RARS2: variants seen among roughly 807,000 people sequenced by gnomAD.
RARS2 encodes probable arginine--tRNA ligase, mitochondrial.
A neutral mutation model predicts 88.5 loss-of-function variants in RARS2; 67 were observed. That is an observed-to-expected ratio of 0.76 (90% CI 0.62 to 0.93). The LOEUF (loss-of-function observed/expected upper bound fraction) is 0.93, where lower values mean the gene tolerates loss of function less well. Among genes scored for constraint, RARS2 ranks in the 40% least tolerant of loss-of-function variants. RARS2 has a pLI of 0.00. For missense variants in RARS2, 664 were observed against 684.2 expected, an observed-to-expected ratio of 0.97 and a Z score of 0.33; for synonymous variants, 239 against 230.3, an observed-to-expected ratio of 1.04 and a Z score of -0.34.
At chr6:87,531,115 T>TG (rs1554186854) in intron 8 of RARS2, among the ~76,000 whole-genome samples, 173 bp from the exon 9 acceptor site, 1 of 152,188 alleles carries the variant, frequency 6.6e-6, no homozygotes, top group African/African-American at 2.4e-5. Flanking sequence ...GTGAAGCATA[T>TG]AGACCCCTTC....
chr6:87,522,164 T>C (rs1339416564), intron 11 of RARS2, among the ~76,000 whole-genome samples: 1 of 152,076 alleles, frequency 6.6e-6, no homozygotes, highest in African/African-American at 2.4e-5. Flanking sequence ...ACCCCGTCTC[T>C]ACTAAAAATA....
intron 1 of RARS2, among the ~76,000 whole-genome samples, chr6:87,571,368 T>G (rs1364490266): frequency 6.6e-6 from 1 of 152,232 alleles, no homozygotes; most frequent in African/African-American, 2.4e-5. Context: ...CAATTAAATC[T>G]CTTTCCTTTA....
chr6:87,560,154 T>C (rs751332853), intron 4 of RARS2, among the ~76,000 whole-genome samples: 1 of 152,228 alleles, frequency 6.6e-6, no homozygotes, highest in African/African-American at 2.4e-5. Flanking sequence ...CCTAATTATC[T>C]TTTTACATAG....
At chr6:87,550,693 A>G (rs4587137) in intron 5 of RARS2, among the ~76,000 whole-genome samples, 9,316 of 149,828 alleles carry the variant, frequency 0.062, 375 homozygotes, top group African/African-American at 0.11. Context: ...CTTATCCCTC[A>G]ATGAAGCCGA....
chr6:87,554,258 A>G (rs1437438332), intron 5 of RARS2, among the ~76,000 whole-genome samples: 2 of 152,166 alleles, frequency 1.3e-5, no homozygotes, highest in Non-Finnish European at 1.5e-5. Context: ...CTGTACAATG[A>G]AAGTATTAGT....
chr6:87,566,288 T>C (rs1238165594), intron 2 of RARS2, among the ~76,000 whole-genome samples: 2 of 152,248 alleles, frequency 1.3e-5, no homozygotes, highest in Non-Finnish European at 2.9e-5. Flanking sequence ...TGTTTTTCTA[T>C]GTAGTTTTAT....
chr6:87,571,752 A>G (rs1293301720), intron 1 of RARS2, among the ~76,000 whole-genome samples: 1 of 152,264 alleles, frequency 6.6e-6, no homozygotes, highest in African/African-American at 2.4e-5. Context: ...TGTCAACAGA[A>G]GTTATTTGTT....
chr6:87,549,005 G>C (rs1406964165), intron 5 of RARS2, among the ~76,000 whole-genome samples: 2 of 152,118 alleles, frequency 1.3e-5, no homozygotes, highest in Non-Finnish European at 2.9e-5. Context: ...CTTGAGGCCA[G>C]AAGTTTGAGA....
At chr6:87,522,993 T>C (rs2128026633) in intron 11 of RARS2, among the ~76,000 whole-genome samples, 1 of 152,148 alleles carries the variant, frequency 6.6e-6, no homozygotes, top group East Asian at 1.9e-4. Context: ...GGGATAAAAT[T>C]TCATGAGGAT....
intron 4 of RARS2, among the ~76,000 whole-genome samples, chr6:87,559,034 T>C (rs1028145265): frequency 6.6e-6 from 1 of 152,058 alleles, no homozygotes; most frequent in Non-Finnish European, 1.5e-5. Context: ...CTAAGGCTAA[T>C]GTGTTTGTGT....
intron 8 of RARS2, among the ~76,000 whole-genome samples, chr6:87,534,065 G>C (rs1489966720): frequency 1.3e-5 from 2 of 150,836 alleles, no homozygotes; most frequent in Admixed American, 1.3e-4. Context: ...AAATATTCAT[G>C]ATTATAATTT....
chr6:87,577,836 T>A (rs147561406), intron 1 of RARS2, among the ~76,000 whole-genome samples: 88 of 152,294 alleles, frequency 5.8e-4, no homozygotes, highest in African/African-American at 2.1e-3. Context: ...AACATGAAGA[T>A]CTTTTTGTAA....
intron 1 of RARS2, among the ~76,000 whole-genome samples, chr6:87,573,198 A>T (rs1770335715): frequency 1.3e-5 from 2 of 152,300 alleles, no homozygotes; most frequent in South Asian, 4.1e-4. Context: ...CAATCATGGC[A>T]GAAAGCGAAA....
At chr6:87,518,058 T>C (rs1221150369) in intron 17 of RARS2, 111 bp downstream of exon 17, 7 of 1,601,858 alleles carry the variant, frequency 4.4e-6, no homozygotes, top group Non-Finnish European at 6.0e-6. Context: ...TTGGGAAAAG[T>C]CTAGAGGCAG....
chr6:87,545,857 T>C (rs892308503), intron 6 of RARS2, among the ~76,000 whole-genome samples, 158 bp from the exon 7 acceptor site: 4 of 152,208 alleles, frequency 2.6e-5, no homozygotes, highest in African/African-American at 9.6e-5. Context: ...TGTGTTTTCA[T>C]GTGTTATGGA....
chr6:87,522,102 C>T (rs1040041559), intron 11 of RARS2, among the ~76,000 whole-genome samples: 8 of 151,968 alleles, frequency 5.3e-5, no homozygotes, highest in East Asian at 3.9e-4. Flanking sequence ...GAGGCTAAGG[C>T]GGGAGGTTCA....
At chr6:87,521,228 T>C (rs1773733477) in intron 12 of RARS2, among the ~76,000 whole-genome samples, 1 of 152,236 alleles carries the variant, frequency 6.6e-6, no homozygotes, top group Non-Finnish European at 1.5e-5. Flanking sequence ...GTGACCTGTA[T>C]ATATTAATTT....
At chr6:87,580,046 T>C (rs1488219907) in intron 1 of RARS2, among the ~76,000 whole-genome samples, 7 of 152,128 alleles carry the variant, frequency 4.6e-5, no homozygotes, top group African/African-American at 1.7e-4. Flanking sequence ...GCTTGGAGCA[T>C]GGTTTTAAGT....
chr6:87,576,591 A>G (rs1041532586), intron 1 of RARS2, among the ~76,000 whole-genome samples: 46 of 151,918 alleles, frequency 3.0e-4, no homozygotes, highest in African/African-American at 1.1e-3. Context: ...AAATTTCAAG[A>G]TAGACATTAC....
Sources: allele counts gnomAD v4.1 joint callset (sites outside exome capture counted in the v4.1 genomes callset), GRCh38; gene constraint gnomAD v4.1.1; transcripts MANE v1.5; gene names NCBI Gene and HGNC (gene_info 2026-07-23, HGNC 2026-07-21).